ZC3H6: variants seen among roughly 807,000 people sequenced by gnomAD.
The protein encoded by ZC3H6 is zinc finger CCCH domain-containing protein 6.
Under a neutral mutation model 107.7 loss-of-function variants are expected in ZC3H6, and 40 were observed. That is an observed-to-expected ratio of 0.37 (90% CI 0.29 to 0.48). ZC3H6 has a LOEUF of 0.48. Ranked by LOEUF, ZC3H6 falls within the 20% of genes least tolerant of loss-of-function variation. The pLI, the probability that ZC3H6 is intolerant of heterozygous loss-of-function variation, is 0.98. For missense variants in ZC3H6, 1,267 were observed against 1,410.4 expected (o/e 0.90, Z 1.63); for synonymous variants, 493 against 487.9 (o/e 1.01, Z -0.14).
At position 112,332,335 on chromosome 2, in the gene ZC3H6, C is replaced by T; in HGVS notation, c.3417C>T (p.Gly1139=). 6.2e-7 allele frequency: 1 copy of T among 1,613,930 alleles called. No homozygotes were observed. The highest frequency in any genetic ancestry group is 8.5e-7 in the Non-Finnish European group (1 of 1,179,870). ...VHSLPVQALT[G]LIRPQYSDPR... ...GCCTTCCTGTTCAGGCATTAACAGG[C>T]TTAATTAGGCCACAGTACAGTGATC... Residue 1139 remains glycine (G), a synonymous_variant, in exon 12 of 12, where the codon GGC becomes GGT. Coordinates refer to ENST00000409871, the MANE Select transcript of ZC3H6 (RefSeq NM_198581.3).
intron 2 of ZC3H6, 106 bp downstream of exon 2, chr2:112,300,135 A>C (rs1214223198): frequency 2.7e-6 from 2 of 728,526 alleles, no homozygotes; most frequent in African/African-American, 3.7e-5. Context: ...CATGTGGATT[A>C]GATATTTTCA....
rs199958775 is a variant in ZC3H6 at position 112,324,284 on chromosome 2, T to A, written c.1473T>A (p.Ser491Arg). The A allele has an allele frequency of 9.1e-5, 147 of 1,613,854 alleles. No homozygotes were observed. The highest frequency in any genetic ancestry group is 1.2e-4 in the Non-Finnish European group (139 of 1,179,860). Reference sequence around the variant, plus strand: ...CTAACATGTCTCAGGGACACAGTAGTCCTGTGATGCACCCAGGCTCCCCTG... The same window carrying A: ...CTAACATGTCTCAGGGACACAGTAGACCTGTGATGCACCCAGGCTCCCCTG... ...PGPNMSQGHS[S>R]PVMHPGSPGH... Residue 491 changes from serine (S) to arginine (R), a missense_variant, in exon 10 of 12, where the codon AGT (serine) becomes AGA (arginine). Coordinates refer to ENST00000409871, the MANE Select transcript of ZC3H6 (RefSeq NM_198581.3).
intron 1 of ZC3H6, among the ~76,000 whole-genome samples, chr2:112,288,207 A>ATT (rs35202373): frequency 2.4e-4 from 35 of 148,312 alleles, no homozygotes; most frequent in East Asian, 9.8e-4. Context: ...GCTTCCTTTC[A>ATT]TTTTTTTTTT....
intron 5 of ZC3H6, among the ~76,000 whole-genome samples, chr2:112,313,822 C>G (rs1025881295): frequency 6.6e-5 from 10 of 152,144 alleles, no homozygotes; most frequent in African/African-American, 2.4e-4. Flanking sequence ...CTAGGCCTTT[C>G]AGAGACTATG....
intron 1 of ZC3H6, among the ~76,000 whole-genome samples, chr2:112,295,736 T>G (rs1676219760): frequency 6.6e-6 from 1 of 152,170 alleles, no homozygotes; most frequent in Non-Finnish European, 1.5e-5. Context: ...AATGCTGAAA[T>G]GATAAGTAGG....
At chr2:112,303,466 A>G (rs1676422552) in intron 3 of ZC3H6, 115 bp downstream of exon 3, 2 of 672,716 alleles carry the variant, frequency 3.0e-6, no homozygotes, top group Middle Eastern at 3.4e-4. Context: ...TTGTTCAATC[A>G]TCACCACTTA....
At chr2:112,281,255 G>A (rs1686520619) in intron 1 of ZC3H6, among the ~76,000 whole-genome samples, 1 of 152,086 alleles carries the variant, frequency 6.6e-6, no homozygotes, top group Non-Finnish European at 1.5e-5. Flanking sequence ...TCAGACCCAA[G>A]ACATTTGAGG....
Position 112,332,791 on chromosome 2 carries a change from C to T in ZC3H6, c.*303C>T. 4.9e-6 allele frequency: 1 copy of T among 202,608 alleles called. No homozygotes were observed. Among genetic ancestry groups the T allele is most frequent in the Non-Finnish European group, 9.9e-6 (1 of 100,950 alleles). 12.6% of individuals were successfully genotyped at this position (202,608 alleles called of 1,614,324 possible). A position where few individuals can be genotyped will look rare whatever the true frequency, so the allele number is the denominator to read the frequency against. On this transcript the variant is annotated 3_prime_UTR_variant, in exon 12 of 12. Coordinates refer to ENST00000409871, the MANE Select transcript of ZC3H6 (RefSeq NM_198581.3). ...GCCTGAATATATGCCAGTTGTCTTTCATAATCAATGTTTAGATAAATGATT... is the reference window on the plus strand; with the variant it reads ...GCCTGAATATATGCCAGTTGTCTTTTATAATCAATGTTTAGATAAATGATT...
chr2:112,294,866 T>C (rs2104702077), intron 1 of ZC3H6, among the ~76,000 whole-genome samples: 1 of 152,294 alleles, frequency 6.6e-6, no homozygotes, highest in South Asian at 2.1e-4. Context: ...ATTATGATTT[T>C]CCCCAGTTGT....
At chr2:112,311,143 G>A (rs536429610) in intron 4 of ZC3H6, among the ~76,000 whole-genome samples, 1 of 152,206 alleles carries the variant, frequency 6.6e-6, no homozygotes, top group Admixed American at 6.5e-5. Flanking sequence ...AAAGAACTGA[G>A]TATTGGCCAG....
intron 1 of ZC3H6, among the ~76,000 whole-genome samples, chr2:112,283,822 TG>T (rs1041154965): frequency 1.3e-5 from 2 of 152,240 alleles, no homozygotes; most frequent in Non-Finnish European, 2.9e-5. Flanking sequence ...CATTTATAAA[TG>T]TTTTTATTTT....
chr2:112,308,329 G>A lies in ZC3H6; in HGVS notation c.337-1556G>A, dbSNP rs192363701. 2.2e-3 allele frequency among the ~76,000 whole-genome samples: 330 copies of A among 151,958 alleles called. 2 individuals are homozygous for A. The highest frequency in any genetic ancestry group is 4.0e-3 in the Non-Finnish European group (269 of 67,948). Reference sequence around the variant, plus strand: ...TTTTTCTCTATTTTATAATTAGAAAGATCTAATACTTCATTGCATTTCATT... The same window carrying A: ...TTTTTCTCTATTTTATAATTAGAAAAATCTAATACTTCATTGCATTTCATT... On this transcript the variant is annotated intron_variant, in intron 3 of 11. Transcript: ENST00000409871.
At chr2:112,304,658 A>G (rs918289361) in intron 3 of ZC3H6, among the ~76,000 whole-genome samples, 2 of 152,198 alleles carry the variant, frequency 1.3e-5, no homozygotes, top group African/African-American at 4.8e-5. Flanking sequence ...CCAAATATAC[A>G]GTATTTTGTG....
In ZC3H6 at chr2:112,332,240, G is replaced by C; in HGVS notation, c.3322G>C (p.Glu1108Gln). The change falls in exon 12 of 12, where the codon GAG (glutamate) becomes CAG (glutamine). Residue 1108 changes from glutamate to glutamine, a missense_variant. Around this residue, in one of 3 missense-constraint regions of ZC3H6, gnomAD observed 925 missense variants for 1,025.7 expected, o/e 0.90. Coordinates refer to ENST00000409871, the MANE Select transcript of ZC3H6 (RefSeq NM_198581.3). The part of the protein sequence containing the change: ...KPSPNVGVTL[E>Q]GPADPQADVP... ...CAGTCCAAACGTGGGAGTCACTCTTGAGGGGCCAGCTGACCCACAGGCGGA... is the reference window on the plus strand; with the variant it reads ...CAGTCCAAACGTGGGAGTCACTCTTCAGGGGCCAGCTGACCCACAGGCGGA... 6.2e-7 allele frequency: 1 copy of C among 1,613,958 alleles called. No individual in the cohort carries two copies. The highest frequency in any genetic ancestry group is 1.1e-5 in the South Asian group (1 of 91,084).
chr2:112,334,815 A>G lies in ZC3H6; in HGVS notation c.*2327A>G, dbSNP rs1314388603. On this transcript the variant is annotated 3_prime_UTR_variant, in exon 12 of 12. Transcript: ENST00000409871. Reference sequence around the variant, plus strand: ...TTGAATAAGTAGCCATTTTCCCCCAATGAATACCTCTTCTTTTAGGTCAAT... The same window carrying G: ...TTGAATAAGTAGCCATTTTCCCCCAGTGAATACCTCTTCTTTTAGGTCAAT... The G allele has an allele frequency of 3.3e-5, 5 of 152,526 alleles. No homozygotes were observed. The highest frequency in any genetic ancestry group is 1.2e-4 in the African/African-American group (5 of 41,420). 9.4% of individuals were successfully genotyped at this position (152,526 alleles called of 1,614,324 possible).
rs578020160 is a variant in ZC3H6, at chr2:112,297,780, G to T, written c.33-2069G>T. The stretch of plus-strand genomic sequence containing the variant: ...GTTACTATCTGTGTATGAAAATTTG[G>T]TTTTTTGTTTGTTTGTTTACTTAGT... On this transcript the variant is annotated intron_variant, in intron 1 of 11. Coordinates refer to ENST00000409871, the MANE Select transcript of ZC3H6 (RefSeq NM_198581.3). Among the ~76,000 whole-genome samples, 217 of 150,910 alleles carry T rather than the reference G, an allele frequency of 1.4e-3. 1 individual carries two copies. The highest frequency in any genetic ancestry group is 5.2e-3 in the African/African-American group (208 of 40,290).
At chr2:112,303,201 A>G (rs776458698) in intron 2 of ZC3H6, 28 bp from the exon 3 acceptor site, 27 of 1,587,288 alleles carry the variant, frequency 1.7e-5, no homozygotes, top group Non-Finnish European at 2.2e-5. Flanking sequence ...TTGCAAATGT[A>G]ACATATTTGT....
At chr2:112,288,783 G>A (rs371405096) in intron 1 of ZC3H6, among the ~76,000 whole-genome samples, 3 of 152,126 alleles carry the variant, frequency 2.0e-5, no homozygotes, top group East Asian at 1.9e-4. Context: ...TGCCAGAACC[G>A]TGGGTCTTCA....
At chr2:112,310,340 A>G (rs532359600) in intron 4 of ZC3H6, among the ~76,000 whole-genome samples, 179 bp downstream of exon 4, 4 of 152,354 alleles carry the variant, frequency 2.6e-5, no homozygotes, top group African/African-American at 9.6e-5. Context: ...TTCAATCTGT[A>G]TGATACATGA....
Sources: allele counts gnomAD v4.1 joint callset (sites outside exome capture counted in the v4.1 genomes callset), GRCh38; gene constraint gnomAD v4.1.1; regional missense constraint gnomAD v4.1.1; transcripts MANE v1.5; gene names NCBI Gene and HGNC (gene_info 2026-07-23, HGNC 2026-07-21).